Variants in FAAP100 observed in about 807,000 individuals in gnomAD.
FAAP100 encodes the protein FA core complex associated protein 100.
A neutral mutation model predicts 65.8 loss-of-function variants in FAAP100; 46 were observed. The observed-to-expected ratio is 0.70, with a 90% CI of 0.55 to 0.89. The LOEUF is 0.89. Ranked by LOEUF, FAAP100 falls within the 40% of genes least tolerant of loss-of-function variation. The pLI is 0.00. For missense variants in FAAP100, 1,165 were observed against 1,196.7 expected (o/e 0.97, Z 0.39); for synonymous variants, 663 against 555.1 (o/e 1.19, Z -2.73).
chr17:81,541,191 G>A lies in FAAP100; in HGVS notation c.2514+118C>T. ...CTCGGACTTTGCCCCAGGCCCATGG[G>A]AGCGAAGCCCATGCGCTGTGAGGAC... On this transcript the variant is annotated intron_variant, in intron 8 of 8. Transcript: ENST00000327787. 5 of 1,242,298 alleles carry A rather than the reference G, an allele frequency of 4.0e-6. No individual in the cohort carries two copies. In the Admixed American group the frequency reaches 1.0e-4, roughly 25 times the overall value. 77.0% of individuals were successfully genotyped at this position (1,242,298 alleles called of 1,614,324 possible). A position where few individuals can be genotyped will look rare whatever the true frequency, so the allele number is the denominator to read the frequency against.
intron 3 of FAAP100, among the ~76,000 whole-genome samples, chr17:81,549,920 G>A (rs1231186774): frequency 6.6e-6 from 1 of 152,172 alleles, no homozygotes; most frequent in Non-Finnish European, 1.5e-5. Context: ...TCCCTGGGCT[G>A]CTTGCCACAT....
Position 81,547,659 on chromosome 17 carries a change from C to T in FAAP100, c.1423G>A (p.Ala475Thr), listed in dbSNP as rs772264059. Residue 475 changes from alanine (A) to threonine (T), a missense_variant, in exon 5 of 9, where the codon GCG becomes ACG. Ala to Thr is a moderately conservative substitution (Grantham distance 58). Coordinates refer to ENST00000327787, the MANE Select transcript of FAAP100 (RefSeq NM_025161.6). ...AGTGCCTTGTTCCGCTGGTCAACCG[C>T]CTTCTTTAGAAAAGACACTCTGCGA... ...ISERVSFLKK[A>T]VDQRNKALTS... The T allele has an allele frequency of 1.9e-6, 3 of 1,610,718 alleles. No individual in the cohort carries two copies. Among genetic ancestry groups the T allele is most frequent in the Non-Finnish European group, 2.5e-6 (3 of 1,178,086 alleles).
At chr17:81,552,514 C>CGGGGAGCA (rs1424649895), upstream of FAAP100, 3 of 483,836 alleles carry the variant, frequency 6.2e-6, no homozygotes, top group Admixed American at 4.5e-5. Flanking sequence ...CTGGTACCCA[C>CGGGGAGCA]GGGGAGCAGG....
At chr17:81,542,280 G>A (rs886839654) in intron 7 of FAAP100, among the ~76,000 whole-genome samples, 1 of 143,138 alleles carries the variant, frequency 7.0e-6, no homozygotes, top group Non-Finnish European at 1.5e-5. Context: ...CCAGCTATTC[G>A]GGAGGCTGAG....
At chr17:81,546,148 GGGACCT>G (rs1001217800) in intron 5 of FAAP100, among the ~76,000 whole-genome samples, 1 of 152,248 alleles carries the variant, frequency 6.6e-6, no homozygotes, top group Non-Finnish European at 1.5e-5. Flanking sequence ...CTCACTTTGG[GGGACCT>G]GCTAATGCTC....
At chr17:81,541,485 G>T in intron 7 of FAAP100, 90 bp from the exon 8 acceptor site, 3 of 1,099,082 alleles carry the variant, frequency 2.7e-6, no homozygotes, top group Non-Finnish European at 2.7e-6. Flanking sequence ...CCCTCGAGCT[G>T]CCTGGTGCTG....
intron 4 of FAAP100, chr17:81,548,054 G>A (rs1174540645): frequency 1.5e-6 from 1 of 671,732 alleles, no homozygotes; most frequent in Non-Finnish European, 2.7e-6. Context: ...TCCCCAGAAT[G>A]TTCCTAGTGG....
At position 81,550,306 on chromosome 17, in the gene FAAP100, T is replaced by C; in HGVS notation, c.1188A>G (p.Pro396=). Residue 396 remains proline (P), a synonymous_variant, in exon 3 of 9, where the codon CCA becomes CCG. Transcript: ENST00000327787. ...CGACACTGCAGATGTTCAGGCTGGC[T>C]GGGCACAGCATGGGGGGCAGGCCTC... ...GPGGLPPMLC[P]ASLNICSVVS... is the part of the protein sequence containing the mutation. 2 of 1,612,606 alleles carry C rather than the reference T, an allele frequency of 1.2e-6. No individual in the cohort carries two copies. Among genetic ancestry groups the C allele is most frequent in the South Asian group, 2.2e-5 (2 of 91,068 alleles).
chr17:81,551,797 G>A, intron 2 of FAAP100, 131 bp downstream of exon 2: 1 of 1,381,840 alleles, frequency 7.2e-7, no homozygotes, highest in South Asian at 1.6e-5. Context: ...TAATCGGGCA[G>A]GGATGGCGGC....
intron 4 of FAAP100, chr17:81,548,441 T>G: frequency 5.6e-6 from 1 of 177,360 alleles, no homozygotes. Flanking sequence ...CAAGACATCT[T>G]AAGAGGACAA....
At chr17:81,546,783 G>A in intron 5 of FAAP100, 126 bp downstream of exon 5, 6 of 1,027,606 alleles carry the variant, frequency 5.8e-6, no homozygotes, top group Non-Finnish European at 7.7e-6. Context: ...GAGGCCAGGA[G>A]CTCGAGGCTG....
intron 7 of FAAP100, among the ~76,000 whole-genome samples, chr17:81,543,553 CTG>C (rs1396787337): frequency 6.6e-6 from 1 of 152,140 alleles, no homozygotes; most frequent in Non-Finnish European, 1.5e-5. Context: ...ACTCCTGGGG[CTG>C]TGAGTGGGGG....
chr17:81,545,955 C>T lies in FAAP100; in HGVS notation c.2174-73G>A, dbSNP rs2033284412. 7 of 1,519,836 alleles carry T rather than the reference C, an allele frequency of 4.6e-6. No individual in the cohort carries two copies. The Admixed American group carries it at 9.7e-5, about 21-fold the overall frequency. 94.1% of individuals were successfully genotyped at this position (1,519,836 alleles called of 1,614,324 possible). Reference sequence around the variant, plus strand: ...GGCTCAGCCGATCCTACCAGGTGGGCATCTGCATACCTGCCCCAAAGTGCC... The same window carrying T: ...GGCTCAGCCGATCCTACCAGGTGGGTATCTGCATACCTGCCCCAAAGTGCC... On this transcript the variant is annotated intron_variant, in intron 5 of 8. Coordinates refer to ENST00000327787, the MANE Select transcript of FAAP100 (RefSeq NM_025161.6).
chr17:81,551,013 C>A lies in FAAP100; in HGVS notation c.481G>T (p.Gly161Trp). ...KMQLFEQPCP[G>W]EDPRPGGQIG... ...TGGCCTCCTGGCCGGGGGTCCTCCCCAGGACAGGGCTGCTCAAACAGCTGC... is the reference window on the plus strand; with the variant it reads ...TGGCCTCCTGGCCGGGGGTCCTCCCAAGGACAGGGCTGCTCAAACAGCTGC... The change falls in exon 3 of 9, where the codon GGG becomes TGG. Residue 161 changes from glycine (G) to tryptophan (W), a missense_variant. Physicochemically the swap from Gly to Trp is radical, Grantham distance 184. Coordinates refer to ENST00000327787, the MANE Select transcript of FAAP100 (RefSeq NM_025161.6). 1 of 1,611,380 alleles carries A rather than the reference C, an allele frequency of 6.2e-7. No individual in the cohort carries two copies. The highest frequency in any genetic ancestry group is 2.2e-5 in the East Asian group (1 of 44,850).
At chr17:81,544,172 G>T (rs372192197) in intron 6 of FAAP100, 52 bp from the exon 7 acceptor site, 2 of 1,452,520 alleles carry the variant, frequency 1.4e-6, no homozygotes, top group African/African-American at 2.8e-5. Flanking sequence ...CCACCTGCCC[G>T]GGGGGCTCAG....
intron 4 of FAAP100, among the ~76,000 whole-genome samples, chr17:81,548,953 T>A (rs1169500626): frequency 7.1e-6 from 1 of 141,142 alleles, no homozygotes; most frequent in East Asian, 2.1e-4. Flanking sequence ...GGCAGAAGAA[T>A]GGCGTGAACC....
At chr17:81,544,157 C>CA (rs2033214065) in intron 6 of FAAP100, 37 bp from the exon 7 acceptor site, 6 of 1,525,796 alleles carry the variant, frequency 3.9e-6, no homozygotes, top group Non-Finnish European at 5.4e-6. Flanking sequence ...CTGCCTGTGG[C>CA]ACTCCCACCT....
intron 7 of FAAP100, 130 bp from the exon 8 acceptor site, chr17:81,541,525 A>G (rs2033095953): frequency 1.3e-6 from 1 of 780,062 alleles, no homozygotes; most frequent in Admixed American, 2.1e-5. Context: ...TCCCCACCCC[A>G]GCGCTTTGCT....
In FAAP100 at chr17:81,550,971, G is replaced by C. The variant is rs750961661; in HGVS notation, c.523C>G (p.Leu175Val). ...CCGGCTGGGGGCGTGTAGGAGGACA[G>C]CTCCACCTCACCGATCTGGCCTCCT... ...RPGGQIGEVE[L>V]SSYTPPAGVP... Residue 175 changes from leucine (L) to valine (V), a missense_variant, in exon 3 of 9, where the codon CTG becomes GTG. Physicochemically the swap from Leu to Val is conservative, Grantham distance 32. Transcript: ENST00000327787. 3.1e-6 allele frequency: 5 copies of C among 1,611,978 alleles called. No individual in the cohort carries two copies. Among genetic ancestry groups the C allele is most frequent in the Non-Finnish European group, 4.2e-6 (5 of 1,179,636 alleles).
Sources: allele counts gnomAD v4.1 joint callset (sites outside exome capture counted in the v4.1 genomes callset), GRCh38; gene constraint gnomAD v4.1.1; transcripts MANE v1.5; gene names NCBI Gene and HGNC (gene_info 2026-07-23, HGNC 2026-07-21).